Variants in INPP5K observed in about 807,000 individuals in gnomAD.
INPP5K encodes the protein inositol polyphosphate-5-phosphatase K.
INPP5K carries 35 observed loss-of-function variants against 53.5 expected under a neutral mutation model. The ratio of observed to expected loss-of-function variants is 0.65; its 90% CI spans 0.50 to 0.87. The LOEUF is 0.87. Among genes scored for constraint, INPP5K ranks in the 40% least tolerant of loss-of-function variants. The pLI, the probability that INPP5K is intolerant of heterozygous loss-of-function variation, is 0.00. For missense variants in INPP5K, 550 were observed against 586.2 expected (o/e 0.94, Z 0.64); for synonymous variants, 253 against 232.8 (o/e 1.09, Z -0.79).
chr17:1,513,713 C>T, intron 2 of INPP5K, 152 bp from the exon 3 acceptor site: 1 of 889,956 alleles, frequency 1.1e-6, no homozygotes, highest in Non-Finnish European at 1.8e-6. Context: ...GCCCCCTTTG[C>T]CGTTGCTGAC....
chr17:1,506,937 A>G, intron 7 of INPP5K, 43 bp downstream of exon 7: 1 of 1,388,886 alleles, frequency 7.2e-7, no homozygotes, highest in Non-Finnish European at 1.0e-6. Context: ...GGGTCAGTGT[A>G]ACCTGACTTC....
chr17:1,499,577 T>C lies in INPP5K; in HGVS notation c.777-1455A>G, dbSNP rs114772247. 6.0e-3 allele frequency among the ~76,000 whole-genome samples: 917 copies of C among 152,316 alleles called. 10 individuals are homozygous for C. Among genetic ancestry groups the C allele is most frequent in the African/African-American group, 0.021 (865 of 41,558 alleles). ...GAGGGGTTTGGAAAAGGTAATACGCTCCGGAGACAAAATGCATTCCTCCTC... is the reference window on the plus strand; with the variant it reads ...GAGGGGTTTGGAAAAGGTAATACGCCCCGGAGACAAAATGCATTCCTCCTC... On this transcript the variant is annotated intron_variant, in intron 7 of 11. Coordinates refer to ENST00000421807, the MANE Select transcript of INPP5K (RefSeq NM_016532.4).
chr17:1,500,088 C>T (rs1404416652), intron 7 of INPP5K, among the ~76,000 whole-genome samples: 2 of 152,224 alleles, frequency 1.3e-5, no homozygotes, highest in Non-Finnish European at 2.9e-5. Flanking sequence ...GCTGGGACCA[C>T]AGGCATGTGC....
chr17:1,507,172 A>G lies in INPP5K; in HGVS notation c.667-83T>C, dbSNP rs1254085832. 4 of 986,722 alleles carry G rather than the reference A, an allele frequency of 4.1e-6. No homozygotes were observed. In the African/African-American group the frequency reaches 6.4e-5, roughly 16 times the overall value. The allele number at this position is 986,722 out of a possible 1,614,324, so 61.1% of individuals were successfully genotyped here. ...CACACTCCATTCAAGGGATCAGCAC[A>G]TGCCGTCACAAATGGGGCAAGAGTC... On this transcript the variant is annotated intron_variant, in intron 6 of 11. Coordinates refer to ENST00000421807, the MANE Select transcript of INPP5K (RefSeq NM_016532.4).
intron 1 of INPP5K, among the ~76,000 whole-genome samples, chr17:1,514,353 G>A (rs1032094484): frequency 2.0e-5 from 3 of 151,900 alleles, no homozygotes; most frequent in South Asian, 4.2e-4. Context: ...AGTGCACGGG[G>A]TCTAGGCCTG....
rs1205272251 is a variant in INPP5K at position 1,516,517 on chromosome 17, C to T, written c.-18G>A. The T allele has an allele frequency of 3.8e-6, 6 of 1,563,398 alleles. No homozygotes were observed. Among genetic ancestry groups the T allele is most frequent in the Admixed American group, 1.8e-5 (1 of 55,938 alleles). ...GAGCTCATGGCCGCCGTCGTCCCCG[C>T]GCGGTGGTCCGGCAGGTTCGCGTCT... On this transcript the variant is annotated 5_prime_UTR_variant, in exon 1 of 12. Coordinates refer to ENST00000421807, the MANE Select transcript of INPP5K (RefSeq NM_016532.4).
chr17:1,510,856 G>A (rs2075290097), intron 3 of INPP5K, among the ~76,000 whole-genome samples: 1 of 151,610 alleles, frequency 6.6e-6, no homozygotes, highest in African/African-American at 2.4e-5. Flanking sequence ...GAACTCCTGG[G>A]TTCAAGCAAT....
At chr17:1,513,423 T>G in intron 3 of INPP5K, 30 bp downstream of exon 3, 1 of 1,543,338 alleles carries the variant, frequency 6.5e-7, no homozygotes, top group Non-Finnish European at 9.0e-7. Context: ...GAAAACACAG[T>G]TGTCAAGTGC....
chr17:1,514,467 C>G (rs2075386455), intron 1 of INPP5K, among the ~76,000 whole-genome samples: 2 of 152,158 alleles, frequency 1.3e-5, no homozygotes, highest in South Asian at 4.1e-4. Flanking sequence ...CCTCACCTTT[C>G]TCTGCTGAAG....
intron 7 of INPP5K, among the ~76,000 whole-genome samples, chr17:1,499,807 A>G (rs1234320056): frequency 6.6e-6 from 1 of 152,112 alleles, no homozygotes; most frequent in African/African-American, 2.4e-5. Flanking sequence ...TTCATGGACA[A>G]TCTCCTTTCT....
chr17:1,498,230 TACTGGCAGCCACAGACCCCCGGGGCCAG>T (rs2150978868), intron 7 of INPP5K, 108 bp from the exon 8 acceptor site: 1 of 952,784 alleles, frequency 1.0e-6, no homozygotes, highest in African/African-American at 1.6e-5. Flanking sequence ...CTCCAGCAAC[TACTGGCAGCCACAGACCCCCGGGGCCAG>T]AGCCGGAGGG....
rs1032163331 is a variant in INPP5K at position 1,516,027 on chromosome 17, G to A, written c.44+429C>T. 4 of 1,025,732 alleles carry A rather than the reference G, an allele frequency of 3.9e-6. No individual in the cohort carries two copies. In the African/African-American group the frequency reaches 6.9e-5, roughly 18 times the overall value. The allele number at this position is 1,025,732 out of a possible 1,614,324, so 63.5% of individuals were successfully genotyped here. A position where few individuals can be genotyped will look rare whatever the true frequency, so the allele number is the denominator to read the frequency against. On this transcript the variant is annotated intron_variant, in intron 1 of 11. Coordinates refer to ENST00000421807, the MANE Select transcript of INPP5K (RefSeq NM_016532.4). ...CCGTGAAAGAGCAGGCAAGAGACCA[G>A]GCTAAGTCACTTCCCTAAAGGATCT...
chr17:1,497,935 C>T lies in INPP5K; in HGVS notation c.963+1G>A, dbSNP rs1375681570. On this transcript the variant is annotated splice_donor_variant, in intron 8 of 11. Transcript: ENST00000421807. LOFTEE classifies it high-confidence loss of function. ...AAGTATCAGGCAGCCCAGAAGTTCA[C>T]CTCCAAGTCGAACGTGCCGGAGACA... 6.2e-7 allele frequency: 1 copy of T among 1,610,994 alleles called. No homozygotes were observed. Among genetic ancestry groups the T allele is most frequent in the Non-Finnish European group, 8.5e-7 (1 of 1,177,728 alleles).
intron 3 of INPP5K, among the ~76,000 whole-genome samples, chr17:1,511,399 T>C (rs1598389225): frequency 6.6e-6 from 1 of 152,312 alleles, no homozygotes. Context: ...AGGTTCAGGC[T>C]GTCTACCACC....
Position 1,509,491 on chromosome 17 carries a change from A to G in INPP5K, c.379-138T>C. 3 of 947,106 alleles carry G rather than the reference A, an allele frequency of 3.2e-6. No homozygotes were observed. In the South Asian group the frequency reaches 4.6e-5, roughly 14 times the overall value. 58.7% of individuals were successfully genotyped at this position (947,106 alleles called of 1,614,324 possible). A position where few individuals can be genotyped will look rare whatever the true frequency, so the allele number is the denominator to read the frequency against. ...GACAGTAACTAAGCTTCCCAGGGTG[A>G]TCTCTCCATGCACAGAGCCCAGCTC... On this transcript the variant is annotated intron_variant, in intron 4 of 11. Coordinates refer to ENST00000421807, the MANE Select transcript of INPP5K (RefSeq NM_016532.4).
In INPP5K at chr17:1,516,598, T is replaced by C. The variant is rs1452564521; in HGVS notation, c.-99A>G. On this transcript the variant is annotated 5_prime_UTR_variant, in exon 1 of 12. Transcript: ENST00000421807. ...CTGCGGGCGGCCGGTCTCACGCGCC[T>C]AGCTGTCGCGGACTGTTTTTCTTCC... The C allele has an allele frequency of 6.5e-5, 92 of 1,420,548 alleles. No homozygotes were observed. The highest frequency in any genetic ancestry group is 2.5e-4 in the Middle Eastern group (1 of 3,956). 88.0% of individuals were successfully genotyped at this position (1,420,548 alleles called of 1,614,324 possible).
intron 3 of INPP5K, among the ~76,000 whole-genome samples, chr17:1,510,251 C>T (rs1223959116): frequency 6.6e-6 from 1 of 152,118 alleles, no homozygotes; most frequent in Admixed American, 6.5e-5. Context: ...GAGTCTCGCT[C>T]TGTCGCCCAG....
intron 7 of INPP5K, among the ~76,000 whole-genome samples, 193 bp downstream of exon 7, chr17:1,506,787 C>G (rs2075166628): frequency 6.6e-6 from 1 of 152,012 alleles, no homozygotes; most frequent in Non-Finnish European, 1.5e-5. Flanking sequence ...GGCTTTCCTC[C>G]CACTCTCTCG....
At position 1,504,762 on chromosome 17, in the gene INPP5K, G is replaced by A. The variant is rs544136211; in HGVS notation, c.776+2218C>T. Reference sequence around the variant, plus strand: ...CACACCTGCACGCCAATCACAATGAGCTGTTATTTGGAAATAGGTGCGTGC... The same window carrying A: ...CACACCTGCACGCCAATCACAATGAACTGTTATTTGGAAATAGGTGCGTGC... On this transcript the variant is annotated intron_variant, in intron 7 of 11. Transcript: ENST00000421807. Among the ~76,000 whole-genome samples the A allele has an allele frequency of 7.2e-5, 11 of 152,346 alleles. No homozygotes were observed. The South Asian group carries it at 8.3e-4, about 11-fold the overall frequency.
Sources: allele counts gnomAD v4.1 joint callset (sites outside exome capture counted in the v4.1 genomes callset), GRCh38; gene constraint gnomAD v4.1.1; transcripts MANE v1.5; gene names NCBI Gene and HGNC (gene_info 2026-07-23, HGNC 2026-07-21).